TENM2: variants seen among roughly 807,000 people sequenced by gnomAD.
TENM2 encodes the protein teneurin-2.
TENM2 carries 52 observed loss-of-function variants against 245.2 expected under a neutral mutation model. The observed-to-expected ratio is 0.21, with a 90% confidence interval of 0.17 to 0.27. The LOEUF is 0.27. Ranked by LOEUF, TENM2 falls within the 10% of genes least tolerant of loss-of-function variation. The pLI, the probability that TENM2 is intolerant of heterozygous loss-of-function variation, is 1.00. For missense variants in TENM2, 3,046 were observed against 3,666.8 expected (o/e 0.83, Z 4.37); for synonymous variants, 1,363 against 1,438.9 (o/e 0.95, Z 1.19).
chr5:167,265,259 G>A, the TENM2 span, among the ~76,000 whole-genome samples: 1 of 148,542 alleles, frequency 6.7e-6, no homozygotes, highest in South Asian at 2.2e-4. Flanking sequence ...TTGAACCCAG[G>A]AGGTGGAGGT....
the TENM2 span, among the ~76,000 whole-genome samples, chr5:167,209,238 A>G: frequency 6.6e-6 from 1 of 152,072 alleles, no homozygotes; most frequent in African/African-American, 2.4e-5. Flanking sequence ...CATATGAAAA[A>G]CATTTTTTAA....
At chr5:167,528,334 T>C (rs1356379234) in intron 2 of TENM2, among the ~76,000 whole-genome samples, 1 of 152,170 alleles carries the variant, frequency 6.6e-6, no homozygotes, top group Non-Finnish European at 1.5e-5. Context: ...ATTCTACCTC[T>C]TGCTGCCAGA....
chr5:167,666,544 T>C (rs555254018), intron 2 of TENM2, among the ~76,000 whole-genome samples: 1 of 152,124 alleles, frequency 6.6e-6, no homozygotes, highest in Non-Finnish European at 1.5e-5. Flanking sequence ...AAATTACTAA[T>C]ATTAAATATT....
chr5:167,190,040 C>T, the TENM2 span, among the ~76,000 whole-genome samples: 1 of 151,964 alleles, frequency 6.6e-6, no homozygotes, highest in Non-Finnish European at 1.5e-5. Context: ...TTCTTCAAAG[C>T]AAGCTGGCTT....
At chr5:168,027,516 A>G (rs1040216708) in intron 5 of TENM2, among the ~76,000 whole-genome samples, 1 of 152,186 alleles carries the variant, frequency 6.6e-6, no homozygotes, top group Non-Finnish European at 1.5e-5. Flanking sequence ...CCTTTTGTGT[A>G]TCCCAAATTT....
intron 2 of TENM2, among the ~76,000 whole-genome samples, chr5:167,861,369 C>G (rs961961626): frequency 6.6e-6 from 1 of 152,122 alleles, no homozygotes; most frequent in Non-Finnish European, 1.5e-5. Flanking sequence ...GTCAGCCTTG[C>G]GGGTGGTTTT....
chr5:167,810,413 AT>A (rs922644346), intron 2 of TENM2, among the ~76,000 whole-genome samples: 1 of 151,602 alleles, frequency 6.6e-6, no homozygotes, highest in Non-Finnish European at 1.5e-5. Flanking sequence ...TTAAATCTTC[AT>A]TTTTTCCCCT....
intron 2 of TENM2, among the ~76,000 whole-genome samples, chr5:167,632,931 C>T (rs1166067700): frequency 6.6e-6 from 1 of 152,108 alleles, no homozygotes; most frequent in Non-Finnish European, 1.5e-5. Context: ...GATTTCGTAT[C>T]ATTTTCTGAA....
At chr5:168,106,467 C>G (rs143533324) in intron 9 of TENM2, among the ~76,000 whole-genome samples, 59 of 152,264 alleles carry the variant, frequency 3.9e-4, no homozygotes, top group African/African-American at 1.3e-3. Context: ...CATTTATAGA[C>G]GATTATCATC....
At chr5:168,045,222 C>T (rs1788512496) in intron 5 of TENM2, among the ~76,000 whole-genome samples, 1 of 152,144 alleles carries the variant, frequency 6.6e-6, no homozygotes, top group Non-Finnish European at 1.5e-5. Context: ...GACCCTAACC[C>T]TTTCCACCTC....
At chr5:168,012,644 T>C (rs1316458890) in intron 5 of TENM2, among the ~76,000 whole-genome samples, 4 of 135,308 alleles carry the variant, frequency 3.0e-5, no homozygotes, top group Non-Finnish European at 6.2e-5. Context: ...CAAGACTCTG[T>C]CTCAAAAAAA....
At chr5:167,394,345 T>A (rs1179208248) in intron 2 of TENM2, among the ~76,000 whole-genome samples, 1 of 152,216 alleles carries the variant, frequency 6.6e-6, no homozygotes, top group Admixed American at 6.5e-5. Context: ...CACATGTGAC[T>A]GATTCTTCTG....
Position 167,312,801 on chromosome 5 carries a change from T to G in TENM2, c.226+27738T>G, listed in dbSNP as rs1328482794. Among the ~76,000 whole-genome samples, 3 of 151,972 alleles carry G rather than the reference T, an allele frequency of 2.0e-5. No individual in the cohort carries two copies. In the East Asian group the frequency reaches 5.8e-4, roughly 29 times the overall value. On this transcript the variant is annotated intron_variant, in intron 1 of 28. Transcript: ENST00000518659. ...GCTGCTCAAATTTGTTGGTCTAAAC[T>G]GCAGTGTTCTCGGAGGGTTCAGCAC...
At chr5:167,454,523 G>A (rs910694819) in intron 2 of TENM2, among the ~76,000 whole-genome samples, 8 of 151,526 alleles carry the variant, frequency 5.3e-5, no homozygotes, top group African/African-American at 1.7e-4. Flanking sequence ...CTCTGTGTGT[G>A]TGCATGCACA....
At chr5:167,016,455 T>C in the TENM2 span, among the ~76,000 whole-genome samples, 2 of 152,138 alleles carry the variant, frequency 1.3e-5, no homozygotes, top group Admixed American at 1.3e-4. Flanking sequence ...TACGAATTCC[T>C]GATTATGTGA....
intron 2 of TENM2, among the ~76,000 whole-genome samples, chr5:167,584,156 T>C: frequency 6.6e-6 from 1 of 152,140 alleles, no homozygotes; most frequent in East Asian, 1.9e-4. Flanking sequence ...AACAAATAAT[T>C]GGATAAAATG....
At chr5:167,183,402 C>G in the TENM2 span, among the ~76,000 whole-genome samples, 6 of 152,102 alleles carry the variant, frequency 3.9e-5, no homozygotes, top group African/African-American at 1.4e-4. Context: ...TATTTACATA[C>G]CAGGAACAAA....
At chr5:167,866,575 T>C (rs1323639112) in intron 2 of TENM2, among the ~76,000 whole-genome samples, 1 of 150,078 alleles carries the variant, frequency 6.7e-6, no homozygotes, top group Non-Finnish European at 1.5e-5. Context: ...GAGGAGAGAA[T>C]GATTCATATT....
the TENM2 span, among the ~76,000 whole-genome samples, chr5:167,040,548 A>C: frequency 6.6e-6 from 1 of 152,038 alleles, no homozygotes; most frequent in Admixed American, 6.5e-5. Flanking sequence ...CAGATACCTA[A>C]GAGTGCTATT....
Sources: allele counts gnomAD v4.1 joint callset (sites outside exome capture counted in the v4.1 genomes callset), GRCh38; gene constraint gnomAD v4.1.1; transcripts MANE v1.5; gene names NCBI Gene and HGNC (gene_info 2026-07-23, HGNC 2026-07-21).